CCDC171: variants seen among roughly 807,000 people sequenced by gnomAD.
The protein encoded by CCDC171 is coiled-coil domain containing 171, also known as coiled-coil domain-containing protein 171.
CCDC171 carries 177 observed loss-of-function variants against 168.2 expected under a neutral mutation model. That is an observed-to-expected ratio of 1.05 (90% CI 0.93 to 1.19). The LOEUF is 1.19. Among genes scored for constraint, CCDC171 ranks in the 50% most tolerant of loss-of-function variants. CCDC171 has a pLI of 0.00. For missense variants in CCDC171, 1,991 were observed against 1,539.0 expected (o/e 1.29, Z -4.91); for synonymous variants, 687 against 540.8 (o/e 1.27, Z -3.75).
chr9:16,022,269 G>T (rs141931776), intron 4 of CCDC171: 2 of 152,256 alleles, frequency 1.3e-5, no homozygotes, highest in Admixed American at 6.5e-5. Context: ...CTCAAGGGAG[G>T]TTAAAGAGAT....
chr9:16,025,282 A>T (rs1833255618), intron 6 of CCDC171, among the ~76,000 whole-genome samples: 1 of 152,144 alleles, frequency 6.6e-6, no homozygotes, highest in South Asian at 2.1e-4. Context: ...TCTCTACTAA[A>T]AATACAAAAA....
At chr9:15,561,047 A>G (rs533771091) in intron 1 of CCDC171, among the ~76,000 whole-genome samples, 4 of 152,242 alleles carry the variant, frequency 2.6e-5, no homozygotes, top group South Asian at 4.2e-4. Flanking sequence ...AAATGCAGAA[A>G]TCATTCGTCT....
At chr9:15,601,665 A>G (rs1478999722) in intron 6 of CCDC171, among the ~76,000 whole-genome samples, 1 of 152,216 alleles carries the variant, frequency 6.6e-6, no homozygotes, top group Non-Finnish European at 1.5e-5. Context: ...ATAAAATTTT[A>G]AATAAAATGC....
chr9:15,689,183 A>G (rs551214862), intron 10 of CCDC171, among the ~76,000 whole-genome samples: 3 of 152,314 alleles, frequency 2.0e-5, no homozygotes, highest in Admixed American at 6.5e-5. Context: ...TCTGCTGAAA[A>G]CTGCAATTTA....
chr9:16,043,613 A>G (rs576788559), intron 1 of CCDC171, among the ~76,000 whole-genome samples: 14 of 152,338 alleles, frequency 9.2e-5, no homozygotes, highest in African/African-American at 3.4e-4. Context: ...TACCTGTGCC[A>G]CTTCAAAGAC....
intron 18 of CCDC171, among the ~76,000 whole-genome samples, chr9:15,752,744 G>T (rs2055841619): frequency 6.6e-6 from 1 of 152,136 alleles, no homozygotes; most frequent in Admixed American, 6.5e-5. Flanking sequence ...GCTTGTCGGG[G>T]GTGTGGGCTG....
intron 1 of CCDC171, among the ~76,000 whole-genome samples, chr9:16,043,695 C>T (rs1833609302): frequency 6.6e-6 from 1 of 152,186 alleles, no homozygotes. Flanking sequence ...TCAGATGTGG[C>T]TTTGTTCCTT....
chr9:15,772,342 C>T (rs1448674199), intron 18 of CCDC171, among the ~76,000 whole-genome samples: 2 of 152,012 alleles, frequency 1.3e-5, no homozygotes, highest in African/African-American at 4.8e-5. Flanking sequence ...AAGACAAATT[C>T]GCTTACTACT....
chr9:15,771,826 C>A (rs76686538), intron 18 of CCDC171, among the ~76,000 whole-genome samples: 4 of 152,026 alleles, frequency 2.6e-5, no homozygotes, highest in Non-Finnish European at 5.9e-5. Context: ...GCCAGATGAC[C>A]AGGTAGCTTT....
intron 6 of CCDC171, among the ~76,000 whole-genome samples, chr9:15,607,961 G>C (rs1037290240): frequency 1.3e-5 from 2 of 152,098 alleles, no homozygotes; most frequent in African/African-American, 4.8e-5. Context: ...TGCAGTTCTG[G>C]AGGCTGAGAC....
chr9:15,949,362 G>A (rs1204997201), intron 25 of CCDC171, among the ~76,000 whole-genome samples: 1 of 152,134 alleles, frequency 6.6e-6, no homozygotes, highest in Non-Finnish European at 1.5e-5. Context: ...TGTGAAGAAA[G>A]TCATTAGTAG....
chr9:16,065,868 T>C (rs1234913072), downstream of CCDC171, among the ~76,000 whole-genome samples: 5 of 151,224 alleles, frequency 3.3e-5, no homozygotes, highest in Admixed American at 3.3e-4. Flanking sequence ...GCAACACATA[T>C]AAAGACCACC....
At chr9:15,581,159 C>T (rs1347561165) in intron 4 of CCDC171, among the ~76,000 whole-genome samples, 1 of 152,178 alleles carries the variant, frequency 6.6e-6, no homozygotes, top group South Asian at 2.1e-4. Context: ...AGAGCCAAAT[C>T]ATGAGTGAAC....
chr9:15,762,217 A>C (rs1006897802), intron 18 of CCDC171, among the ~76,000 whole-genome samples: 43 of 151,358 alleles, frequency 2.8e-4, no homozygotes, highest in African/African-American at 8.0e-4. Flanking sequence ...ACAAAGCAAC[A>C]TAGTTATCTT....
intron 7 of CCDC171, among the ~76,000 whole-genome samples, chr9:15,638,778 A>C (rs1457449564): frequency 6.6e-6 from 1 of 151,966 alleles, no homozygotes; most frequent in Middle Eastern, 3.2e-3. Context: ...AAAACAAACA[A>C]ACTCCCAATC....
At chr9:15,918,305 A>C (rs1019964127) in intron 24 of CCDC171, among the ~76,000 whole-genome samples, 4 of 151,636 alleles carry the variant, frequency 2.6e-5, no homozygotes, top group African/African-American at 9.7e-5. Context: ...TGAGCCTTAC[A>C]ACAGTTTTGG....
chr9:15,705,120 A>ACACACACACACT (rs1462439068), intron 11 of CCDC171, among the ~76,000 whole-genome samples: 16 of 149,904 alleles, frequency 1.1e-4, no homozygotes, highest in African/African-American at 3.7e-4. Flanking sequence ...ACACACACAC[A>ACACACACACACT]CTCTCACTCA....
chr9:16,057,439 TTTTG>T (rs1833858694), intron 1 of CCDC171, among the ~76,000 whole-genome samples: 1 of 152,184 alleles, frequency 6.6e-6, no homozygotes, highest in Non-Finnish European at 1.5e-5. Context: ...AGGAAGTTTT[TTTTG>T]TTTGTTTTGT....
At chr9:16,002,990 C>T (rs1171330922) in intron 3 of CCDC171, among the ~76,000 whole-genome samples, 1 of 152,216 alleles carries the variant, frequency 6.6e-6, no homozygotes, top group African/African-American at 2.4e-5. Context: ...AACATTTGCA[C>T]AATGATGACA....
Sources: allele counts gnomAD v4.1 joint callset (sites outside exome capture counted in the v4.1 genomes callset), GRCh38; gene constraint gnomAD v4.1.1; transcripts MANE v1.5; gene names NCBI Gene and HGNC (gene_info 2026-07-23, HGNC 2026-07-21).